POU2F1: variants seen among roughly 807,000 people sequenced by gnomAD.
POU2F1 encodes POU class 2 homeobox 1.
A neutral mutation model predicts 84.9 loss-of-function variants in POU2F1; 16 were observed. The ratio of observed to expected loss-of-function variants is 0.19; its 90% confidence interval spans 0.13 to 0.29. POU2F1 has a LOEUF of 0.29. Ranked by LOEUF, POU2F1 falls within the 10% of genes least tolerant of loss-of-function variation. POU2F1 has a pLI of 1.00. For missense variants in POU2F1, 738 were observed against 942.6 expected (o/e 0.78, Z 2.84); for synonymous variants, 368 against 368.3 (o/e 1.00, Z 0.01).
At chr1:167,234,071 G>T (rs1245369378) in intron 1 of POU2F1, among the ~76,000 whole-genome samples, 1 of 152,192 alleles carries the variant, frequency 6.6e-6, no homozygotes, top group African/African-American at 2.4e-5. Context: ...AAGCAGTTAA[G>T]ATCATTATCA....
At chr1:167,392,872 T>C (rs556017649) in intron 9 of POU2F1, among the ~76,000 whole-genome samples, 3 of 152,340 alleles carry the variant, frequency 2.0e-5, no homozygotes, top group East Asian at 3.9e-4. Context: ...CAAAGGTTGC[T>C]CTGTGTCCAA....
At chr1:167,337,258 C>G (rs143534970) in intron 2 of POU2F1, among the ~76,000 whole-genome samples, 2 of 149,518 alleles carry the variant, frequency 1.3e-5, no homozygotes, top group African/African-American at 2.5e-5. Flanking sequence ...CTTGGGCAGT[C>G]GAGGCTACAG....
Position 167,280,009 on chromosome 1 carries a change from C to A in POU2F1, c.62-52461C>A, listed in dbSNP as rs188504595. On this transcript the variant is annotated intron_variant, in intron 1 of 15. Coordinates refer to ENST00000367866, the MANE Select transcript of POU2F1 (RefSeq NM_002697.4). ...TCACCTGAGGTCGGGAGTTTGAGAC[C>A]AGCCTGACCAACATGGTGAAACCCC... Among the ~76,000 whole-genome samples the A allele has an allele frequency of 3.3e-5, 5 of 152,028 alleles. No homozygotes were observed. The East Asian group carries it at 9.7e-4, about 29-fold the overall frequency.
At chr1:167,281,606 C>G (rs1406222712) in intron 1 of POU2F1, among the ~76,000 whole-genome samples, 1 of 152,160 alleles carries the variant, frequency 6.6e-6, no homozygotes, top group African/African-American at 2.4e-5. Context: ...CAGCATTTGC[C>G]TCATTTGAAC....
At chr1:167,400,634 C>T (rs762617913) in intron 12 of POU2F1, among the ~76,000 whole-genome samples, 6 of 152,192 alleles carry the variant, frequency 3.9e-5, no homozygotes, top group Non-Finnish European at 8.8e-5. Context: ...TTGCATTATT[C>T]CTAGACTGAA....
At chr1:167,225,829 TTTTG>T (rs1450060377) in intron 1 of POU2F1, among the ~76,000 whole-genome samples, 1 of 152,202 alleles carries the variant, frequency 6.6e-6, no homozygotes, top group African/African-American at 2.4e-5. Flanking sequence ...GTTATTTTTG[TTTTG>T]TTTTTTAATT....
At chr1:167,365,975 A>C (rs930334404) in intron 3 of POU2F1, among the ~76,000 whole-genome samples, 1 of 152,174 alleles carries the variant, frequency 6.6e-6, no homozygotes, top group Non-Finnish European at 1.5e-5. Flanking sequence ...CCAGACCATG[A>C]CAGTTGATTT....
chr1:167,224,029 C>T (rs577251932), intron 1 of POU2F1, among the ~76,000 whole-genome samples: 2 of 151,942 alleles, frequency 1.3e-5, no homozygotes, highest in Non-Finnish European at 2.9e-5. Context: ...CTACTGAGGC[C>T]GTAGATATTT....
In POU2F1 at chr1:167,311,812, T is replaced by TTTATTTATTTA. The variant is rs1553206363; in HGVS notation, c.62-20656_62-20655insATTTATTTATT. Among the ~76,000 whole-genome samples the TTTATTTATTTA allele has an allele frequency of 6.3e-3, 446 of 70,556 alleles. 1 individual carries two copies. Among genetic ancestry groups the TTTATTTATTTA allele is most frequent in the Non-Finnish European group, 6.8e-3 (202 of 29,886 alleles). 46.3% of individuals were successfully genotyped at this position (70,556 alleles called of 152,430 possible). A position where few individuals can be genotyped will look rare whatever the true frequency, so the allele number is the denominator to read the frequency against. On this transcript the variant is annotated intron_variant, in intron 1 of 15. Transcript: ENST00000367866. ...TATTTATTTATTTATTTATTTATTTTTTCTTTTGGAGACAGAGTCTTGCTC... is the reference window on the plus strand; with the variant it reads ...TATTTATTTATTTATTTATTTATTTTTTATTTATTTATTCTTTTGGAGACAGAGTCTTGCTC...
chr1:167,287,354 G>T (rs1183347418), intron 1 of POU2F1, among the ~76,000 whole-genome samples: 2 of 152,160 alleles, frequency 1.3e-5, no homozygotes, highest in Admixed American at 1.3e-4. Context: ...CAAATATATG[G>T]CCTTTCTGAA....
chr1:167,339,574 A>T (rs1657699929), intron 2 of POU2F1, among the ~76,000 whole-genome samples: 1 of 152,306 alleles, frequency 6.6e-6, no homozygotes, highest in South Asian at 2.1e-4. Flanking sequence ...CAAAGGGCAG[A>T]CCTCTTTCAT....
chr1:167,242,771 C>G (rs1446882488), intron 1 of POU2F1, among the ~76,000 whole-genome samples: 4 of 152,096 alleles, frequency 2.6e-5, no homozygotes. Flanking sequence ...AACTTACTGC[C>G]TTGCTATGAA....
chr1:167,237,772 A>ATATATAT (rs1649605925), intron 1 of POU2F1, among the ~76,000 whole-genome samples: 2 of 29,958 alleles, frequency 6.7e-5, no homozygotes, highest in African/African-American at 3.0e-4. Context: ...ATATATATAT[A>ATATATAT]TTTTTTTTTT....
intron 7 of POU2F1, 144 bp from the exon 8 acceptor site, chr1:167,383,713 A>G (rs1647738029): frequency 1.6e-6 from 1 of 627,756 alleles, no homozygotes. Context: ...TGTAAGGCAA[A>G]TAAGATAAAT....
Position 167,425,309 on chromosome 1 carries a change from C to T in POU2F1, c.*9499C>T, listed in dbSNP as rs1236166250. 2 of 152,036 alleles carry T rather than the reference C, an allele frequency of 1.3e-5. No homozygotes were observed. The highest frequency in any genetic ancestry group is 4.8e-5 in the African/African-American group (2 of 41,380). 9.4% of individuals were successfully genotyped at this position (152,036 alleles called of 1,614,324 possible). A position where few individuals can be genotyped will look rare whatever the true frequency, so the allele number is the denominator to read the frequency against. On this transcript the variant is annotated 3_prime_UTR_variant, in exon 16 of 16. Coordinates refer to ENST00000367866, the MANE Select transcript of POU2F1 (RefSeq NM_002697.4). ...AATGATTGTATAAACTCAAAACAAA[C>T]AAAAGAACCAAAGAAAAGGGAAGTC...
At chr1:167,244,714 C>T (rs953122188) in intron 1 of POU2F1, among the ~76,000 whole-genome samples, 1 of 152,188 alleles carries the variant, frequency 6.6e-6, no homozygotes, top group Non-Finnish European at 1.5e-5. Flanking sequence ...CTACTGAAAG[C>T]CTTCAGTAAG....
chr1:167,309,103 GTT>G (rs749208571), intron 1 of POU2F1, among the ~76,000 whole-genome samples: 7 of 140,742 alleles, frequency 5.0e-5, no homozygotes, highest in African/African-American at 1.5e-4. Flanking sequence ...TCCACTAGTG[GTT>G]TTTTTTTTTT....
chr1:167,388,448 T>C (rs1648146264), intron 8 of POU2F1, among the ~76,000 whole-genome samples: 1 of 152,178 alleles, frequency 6.6e-6, no homozygotes, highest in South Asian at 2.1e-4. Flanking sequence ...AAGAACTAAT[T>C]ACACACATAG....
intron 1 of POU2F1, among the ~76,000 whole-genome samples, chr1:167,276,045 T>C (rs1652707089): frequency 6.6e-6 from 1 of 152,280 alleles, no homozygotes; most frequent in South Asian, 2.1e-4. Context: ...CTTTATCTGC[T>C]GTTTCTTTTT....
Sources: gnomAD v4.1 joint callset for allele counts (sites outside exome capture counted in the v4.1 genomes callset) on GRCh38, gnomAD v4.1.1 for gene constraint, MANE v1.5 for transcripts, NCBI Gene and HGNC (gene_info 2026-07-23, HGNC 2026-07-21) for gene names.